PDE11A: variants seen among roughly 807,000 people sequenced by gnomAD.
The protein encoded by PDE11A is phosphodiesterase 11A.
In PDE11A, 100 loss-of-function variants were observed where a neutral mutation model predicts 100.5. The observed-to-expected ratio is 1.00, with a 90% confidence interval of 0.85 to 1.18. The LOEUF is 1.18. PDE11A is among the 50% of genes most tolerant of loss of function. The pLI is 0.00. For synonymous variants in PDE11A, 381 were observed against 420.8 expected (o/e 0.91, Z 1.16); for missense variants, 1,141 against 1,152.6 (o/e 0.99, Z 0.15).
chr2:177,795,473 C>A (rs2082693408), intron 9 of PDE11A, among the ~76,000 whole-genome samples: 1 of 152,098 alleles, frequency 6.6e-6, no homozygotes, highest in African/African-American at 2.4e-5. Context: ...TTAACTGCCA[C>A]AGAGTTTATC....
chr2:177,668,580 C>T (rs73979509), intron 18 of PDE11A, among the ~76,000 whole-genome samples: 5,542 of 152,166 alleles, frequency 0.036, 330 homozygotes, highest in African/African-American at 0.12. Context: ...CAAGACTGTG[C>T]GTTCTGACTT....
chr2:178,083,010 C>T (rs867590581), intron 2 of PDE11A, among the ~76,000 whole-genome samples: 4 of 151,980 alleles, frequency 2.6e-5, no homozygotes, highest in Admixed American at 2.6e-4. Context: ...AGTTGTAGGC[C>T]TTAGAATTTT....
chr2:178,041,995 T>C (rs2086688396), intron 1 of PDE11A, among the ~76,000 whole-genome samples: 3 of 152,236 alleles, frequency 2.0e-5, no homozygotes, highest in South Asian at 4.1e-4. Flanking sequence ...TTTTGCTTTC[T>C]TTTCAAAAAA....
At chr2:177,769,698 G>A (rs2082285382) in intron 9 of PDE11A, among the ~76,000 whole-genome samples, 1 of 151,934 alleles carries the variant, frequency 6.6e-6, no homozygotes, top group African/African-American at 2.4e-5. Context: ...ACCAGCCTGG[G>A]CAACATGGCG....
intron 2 of PDE11A, among the ~76,000 whole-genome samples, chr2:178,078,579 A>T (rs1407651364): frequency 1.3e-5 from 2 of 152,178 alleles, no homozygotes; most frequent in Non-Finnish European, 2.9e-5. Context: ...ATGAGCTTCA[A>T]TGTCATGCCA....
intron 5 of PDE11A, among the ~76,000 whole-genome samples, chr2:177,853,775 T>G (rs911911072): frequency 1.4e-5 from 2 of 139,930 alleles, no homozygotes; most frequent in African/African-American, 5.3e-5. Flanking sequence ...TATATATATC[T>G]ATATATGTGT....
chr2:177,959,558 A>G (rs911573036), intron 2 of PDE11A, among the ~76,000 whole-genome samples: 1 of 152,182 alleles, frequency 6.6e-6, no homozygotes, highest in Non-Finnish European at 1.5e-5. Flanking sequence ...AACAGAGAGA[A>G]AGCAGAGACT....
intron 15 of PDE11A, among the ~76,000 whole-genome samples, chr2:177,693,500 C>T (rs1056931563): frequency 6.6e-6 from 1 of 152,144 alleles, no homozygotes; most frequent in South Asian, 2.1e-4. Flanking sequence ...ATTTCACTGT[C>T]CCAGCCCCTC....
At chr2:178,059,236 T>G (rs968409941) in intron 1 of PDE11A, among the ~76,000 whole-genome samples, 1 of 152,178 alleles carries the variant, frequency 6.6e-6, no homozygotes, top group African/African-American at 2.4e-5. Context: ...TGTGTTCTAC[T>G]GTTGCCCTCT....
At chr2:178,073,554 T>C (rs2087166410), upstream of PDE11A, among the ~76,000 whole-genome samples, 1 of 152,168 alleles carries the variant, frequency 6.6e-6, no homozygotes, top group African/African-American at 2.4e-5. Flanking sequence ...GAGCTGCTGG[T>C]TTCCAAGAAG....
At chr2:177,813,980 C>T (rs1007996321) in intron 9 of PDE11A, among the ~76,000 whole-genome samples, 2 of 152,050 alleles carry the variant, frequency 1.3e-5, no homozygotes, top group African/African-American at 2.4e-5. Flanking sequence ...AACCTGGGCA[C>T]ACCTGAGTGG....
At chr2:177,654,134 T>C (rs1323187126) in intron 19 of PDE11A, among the ~76,000 whole-genome samples, 1 of 152,236 alleles carries the variant, frequency 6.6e-6, no homozygotes, top group African/African-American at 2.4e-5. Context: ...AAAGTGCTCA[T>C]TTCAGAATTA....
intron 1 of PDE11A, among the ~76,000 whole-genome samples, chr2:178,037,890 A>G (rs2086636599): frequency 6.6e-6 from 1 of 152,110 alleles, no homozygotes; most frequent in East Asian, 1.9e-4. Flanking sequence ...GGACAAGGGA[A>G]GGGAGAGCAT....
At chr2:178,066,759 C>T (rs1408824353) in intron 1 of PDE11A, among the ~76,000 whole-genome samples, 1 of 152,206 alleles carries the variant, frequency 6.6e-6, no homozygotes, top group Non-Finnish European at 1.5e-5. Flanking sequence ...CAGCATGGCA[C>T]CTCAGGCAGG....
At chr2:178,065,863 C>T (rs145745159) in intron 1 of PDE11A, among the ~76,000 whole-genome samples, 5 of 152,194 alleles carry the variant, frequency 3.3e-5, no homozygotes, top group African/African-American at 1.2e-4. Flanking sequence ...CCTCCTGAGG[C>T]AAACACTTTC....
At chr2:177,888,808 C>T (rs377692536) in intron 4 of PDE11A, 5 of 195,272 alleles carry the variant, frequency 2.6e-5, no homozygotes, top group African/African-American at 7.1e-5. Context: ...TGTTGTAATA[C>T]GACCTCTTCT....
At chr2:177,658,680 G>T (rs1372677357) in intron 19 of PDE11A, among the ~76,000 whole-genome samples, 1 of 150,294 alleles carries the variant, frequency 6.7e-6, no homozygotes, top group Non-Finnish European at 1.5e-5. Flanking sequence ...AAAAGTCATA[G>T]AGAAACACTT....
intron 2 of PDE11A, among the ~76,000 whole-genome samples, chr2:177,995,947 C>A (rs1387541455): frequency 6.6e-6 from 1 of 152,210 alleles, no homozygotes; most frequent in Non-Finnish European, 1.5e-5. Context: ...TGCAGCCTAG[C>A]TGGGCGCGGT....
At chr2:177,858,802 T>A (rs1255130325) in intron 5 of PDE11A, among the ~76,000 whole-genome samples, 4 of 152,160 alleles carry the variant, frequency 2.6e-5, no homozygotes, top group African/African-American at 4.8e-5. Flanking sequence ...CACACATATG[T>A]TTACTGCAGC....
Sources: allele counts gnomAD v4.1 joint callset (sites outside exome capture counted in the v4.1 genomes callset), GRCh38; gene constraint gnomAD v4.1.1; transcripts MANE v1.5; gene names NCBI Gene and HGNC (gene_info 2026-07-23, HGNC 2026-07-21).